Variants in ADAMTS6 observed in about 807,000 individuals in gnomAD.
The protein encoded by ADAMTS6 is A disintegrin and metalloproteinase with thrombospondin motifs 6.
ADAMTS6 carries 23 observed loss-of-function variants against 144.3 expected under a neutral mutation model. The observed-to-expected ratio is 0.16, with a 90% CI of 0.11 to 0.23. The LOEUF (loss-of-function observed/expected upper bound fraction) is 0.23. ADAMTS6 is among the 10% of genes least tolerant of loss of function. ADAMTS6 has a pLI of 1.00. For synonymous variants in ADAMTS6, 444 were observed against 457.5 expected, an observed-to-expected ratio of 0.97 and a Z score of 0.38; for missense variants, 999 against 1,379.6, an observed-to-expected ratio of 0.72 and a Z score of 4.37.
chr5:65,385,416 C>T (rs1752402349), intron 7 of ADAMTS6, among the ~76,000 whole-genome samples: 1 of 152,138 alleles, frequency 6.6e-6, no homozygotes, highest in South Asian at 2.1e-4. Flanking sequence ...TGGACTTCAG[C>T]TTTGCGATTT....
chr5:65,247,338 G>A (rs753250039), intron 14 of ADAMTS6, among the ~76,000 whole-genome samples: 6 of 151,996 alleles, frequency 3.9e-5, no homozygotes, highest in Admixed American at 1.3e-4. Context: ...CTTTGTACTG[G>A]TAGACAAATC....
intron 7 of ADAMTS6, among the ~76,000 whole-genome samples, chr5:65,398,786 A>G (rs866616454): frequency 7.8e-3 from 70 of 8,974 alleles, no homozygotes; most frequent in African/African-American, 0.025. Flanking sequence ...GAGAGCAAGA[A>G]AGAAAGAAAG....
At chr5:65,159,115 A>T (rs1037026813) in intron 24 of ADAMTS6, among the ~76,000 whole-genome samples, 16 of 152,128 alleles carry the variant, frequency 1.1e-4, no homozygotes, top group African/African-American at 3.9e-4. Context: ...CTAACTGTTC[A>T]TCAGGCTCTT....
At chr5:65,226,273 T>A in intron 15 of ADAMTS6, 54 bp from the exon 16 acceptor site, 1 of 1,577,894 alleles carries the variant, frequency 6.3e-7, no homozygotes, top group Non-Finnish European at 8.7e-7. Context: ...TAATGAACAG[T>A]GATTCAGTAT....
rs1201872806 is a variant in ADAMTS6, at chr5:65,216,361, T to C, written c.2273-874A>G. 2.0e-5 allele frequency among the ~76,000 whole-genome samples: 3 copies of C among 146,922 alleles called. No individual in the cohort carries two copies. In the Admixed American group the frequency reaches 2.1e-4, roughly 10 times the overall value. On this transcript the variant is annotated intron_variant, in intron 18 of 24. Coordinates refer to ENST00000381055, the MANE Select transcript of ADAMTS6 (RefSeq NM_197941.4). ...ATCACATATAGTATGCTTCCATCTA[T>C]ATAAAATGTCCAGAGTAGGTAAAAA...
chr5:65,170,508 C>T, intron 24 of ADAMTS6, 109 bp downstream of exon 24: 1 of 1,252,710 alleles, frequency 8.0e-7, no homozygotes, highest in Non-Finnish European at 1.1e-6. Context: ...TTCACAAATG[C>T]TCTACTCAAA....
chr5:65,408,700 T>G (rs1294802863), intron 7 of ADAMTS6, among the ~76,000 whole-genome samples: 1 of 152,182 alleles, frequency 6.6e-6, no homozygotes, highest in East Asian at 1.9e-4. Context: ...AGATACATTC[T>G]TCTCAGCAAC....
chr5:65,341,668 A>C (rs1057311601), intron 7 of ADAMTS6, among the ~76,000 whole-genome samples: 10 of 152,202 alleles, frequency 6.6e-5, no homozygotes, highest in African/African-American at 2.4e-4. Context: ...AAACCTGAAC[A>C]GACCAATTAT....
At chr5:65,398,850 A>G (rs7702742) in intron 7 of ADAMTS6, among the ~76,000 whole-genome samples, 6,231 of 133,780 alleles carry the variant, frequency 0.047, 238 homozygotes, top group East Asian at 0.12. Flanking sequence ...GAAAGAAAGA[A>G]AAAGAAAGAG....
At chr5:65,241,780 C>A (rs1759213979) in intron 15 of ADAMTS6, among the ~76,000 whole-genome samples, 1 of 152,046 alleles carries the variant, frequency 6.6e-6, no homozygotes, top group Non-Finnish European at 1.5e-5. Context: ...CTTACATATA[C>A]CCTAAGGAAG....
Position 65,214,527 on chromosome 5 carries a change from C to T in ADAMTS6, c.2575+267G>A, listed in dbSNP as rs1027204832. 2 of 513,196 alleles carry T rather than the reference C, an allele frequency of 3.9e-6. No homozygotes were observed. The highest frequency in any genetic ancestry group is 3.9e-5 in the African/African-American group (2 of 51,926). The allele number at this position is 513,196 out of a possible 1,614,324, so 31.8% of individuals were successfully genotyped here. A position where few individuals can be genotyped will look rare whatever the true frequency, so the allele number is the denominator to read the frequency against. On this transcript the variant is annotated intron_variant, in intron 20 of 24. Coordinates refer to ENST00000381055, the MANE Select transcript of ADAMTS6 (RefSeq NM_197941.4). This position sits in a 1 kb window ranked among gnomAD's most constrained non-coding sequence, Gnocchi z 4.6. The stretch of plus-strand genomic sequence containing the variant: ...TGTTCACGAAAGGCAAACAGCCCAC[C>T]TTCAAGATAGTCTTGGGAGAAGCAC...
At chr5:65,324,671 C>G (rs1195052810) in intron 9 of ADAMTS6, among the ~76,000 whole-genome samples, 4 of 151,238 alleles carry the variant, frequency 2.6e-5, no homozygotes, top group Non-Finnish European at 5.9e-5. Flanking sequence ...GACTTTTATC[C>G]ATAATACAGT....
chr5:65,441,972 A>G (rs1175641315), intron 7 of ADAMTS6, among the ~76,000 whole-genome samples: 1 of 152,062 alleles, frequency 6.6e-6, no homozygotes, highest in East Asian at 1.9e-4. Context: ...AAACACTTAT[A>G]TTAGAAAAGC....
At chr5:65,301,264 G>A (rs531250892) in intron 9 of ADAMTS6, among the ~76,000 whole-genome samples, 8 of 152,172 alleles carry the variant, frequency 5.3e-5, no homozygotes, top group East Asian at 3.9e-4. Context: ...ACATTTTAAC[G>A]TTTCTTCACA....
intron 14 of ADAMTS6, among the ~76,000 whole-genome samples, chr5:65,252,045 T>C (rs1239793050): frequency 6.6e-6 from 1 of 152,214 alleles, no homozygotes; most frequent in Non-Finnish European, 1.5e-5. Context: ...TAAGACTACT[T>C]GGCCTATGTT....
intron 12 of ADAMTS6, among the ~76,000 whole-genome samples, chr5:65,269,506 A>G (rs1303704121): frequency 6.6e-6 from 1 of 152,182 alleles, no homozygotes; most frequent in East Asian, 1.9e-4. Flanking sequence ...TTCCCGTGAC[A>G]ATGAAAAATT....
At chr5:65,369,085 T>G (rs1750583837) in intron 7 of ADAMTS6, among the ~76,000 whole-genome samples, 1 of 152,002 alleles carries the variant, frequency 6.6e-6, no homozygotes, top group Admixed American at 6.6e-5. Context: ...CCAGTTTTGG[T>G]GATGCATGTC....
At chr5:65,427,542 T>C (rs1239730163) in intron 7 of ADAMTS6, among the ~76,000 whole-genome samples, 1 of 152,162 alleles carries the variant, frequency 6.6e-6, no homozygotes, top group East Asian at 1.9e-4. Context: ...GCCAGTATGG[T>C]AATCCCAGCA....
chr5:65,439,490 A>G (rs931369548), intron 7 of ADAMTS6, among the ~76,000 whole-genome samples: 1 of 152,182 alleles, frequency 6.6e-6, no homozygotes, highest in Non-Finnish European at 1.5e-5. Flanking sequence ...TCCTGAGGAA[A>G]CATCAGAAAA....
Sources: gnomAD v4.1 joint callset for allele counts (sites outside exome capture counted in the v4.1 genomes callset) on GRCh38, gnomAD v4.1.1 for gene constraint, Gnocchi (gnomAD v3.1) non-coding constraint, MANE v1.5 for transcripts, NCBI Gene and HGNC (gene_info 2026-07-23, HGNC 2026-07-21) for gene names.